Variants in ITGA2 observed in about 807,000 individuals in gnomAD.
ITGA2 encodes the protein integrin alpha-2.
A neutral mutation model predicts 146.3 loss-of-function variants in ITGA2; 101 were observed. The observed-to-expected ratio is 0.69, with a 90% CI of 0.59 to 0.81. The LOEUF (loss-of-function observed/expected upper bound fraction) is 0.81, where lower values mean the gene tolerates loss of function less well. Among genes scored for constraint, ITGA2 ranks in the 40% least tolerant of loss-of-function variants. The pLI, the probability that ITGA2 is intolerant of heterozygous loss-of-function variation, is 0.00. For missense variants in ITGA2, 1,281 were observed against 1,402.7 expected (o/e 0.91, Z 1.39); for synonymous variants, 477 against 487.1 (o/e 0.98, Z 0.27).
intron 3 of ITGA2, 140 bp downstream of exon 3, chr5:53,042,361 A>C (rs1258866389): frequency 1.5e-6 from 1 of 664,898 alleles, no homozygotes; most frequent in Non-Finnish European, 2.8e-6. Context: ...ATGGGGCACA[A>C]TCATATCCAA....
At chr5:53,072,469 A>C in intron 18 of ITGA2, 144 bp from the exon 19 acceptor site, 1 of 673,394 alleles carries the variant, frequency 1.5e-6, no homozygotes, top group Non-Finnish European at 2.6e-6. Context: ...GCTTTTCTTT[A>C]TTATTTTGTT....
rs368418116 is a variant in ITGA2, at chr5:53,026,856, C to G, written c.173C>G (p.Pro58Arg). 6.2e-7 allele frequency: 1 copy of G among 1,612,436 alleles called. No individual in the cohort carries two copies. The highest frequency in any genetic ancestry group is 8.5e-7 in the Non-Finnish European group (1 of 1,178,586). ...TATGCAGTGCAGCAGTTTATAAATC[C>G]AAAAGGCAACTGGTAAGAATATTCT... ...FGYAVQQFINPKGNWLLVGSP... is the reference protein window; with the variant it reads ...FGYAVQQFINRKGNWLLVGSP... Residue 58 changes from proline to arginine, a missense_variant, in exon 2 of 30, where the codon CCA (proline) becomes CGA (arginine). Physicochemically the swap from Pro to Arg is moderately radical, Grantham distance 103 (BLOSUM62 -2). Around this residue, in one of 3 missense-constraint regions of ITGA2, gnomAD observed 795 missense variants for 841.7 expected, o/e 0.94. Coordinates refer to ENST00000296585, the MANE Select transcript of ITGA2 (RefSeq NM_002203.4).
chr5:53,083,448 G>A lies in ITGA2; in HGVS notation c.3253G>A (p.Ala1085Thr), dbSNP rs779251918. 1.2e-5 allele frequency: 19 copies of A among 1,522,248 alleles called. No individual in the cohort carries two copies. Among genetic ancestry groups the A allele is most frequent in the African/African-American group, 2.7e-5 (2 of 73,150 alleles). The allele number at this position is 1,522,248 out of a possible 1,614,324, so 94.3% of individuals were successfully genotyped here. Residue 1085 changes from alanine to threonine, a missense_variant, in exon 27 of 30, where the codon GCA becomes ACA. Ala to Thr is a moderately conservative substitution (Grantham distance 58). This residue lies in a region of ITGA2 where 475 missense variants were observed against 530.5 expected (regional missense o/e 0.90). Coordinates refer to ENST00000296585, the MANE Select transcript of ITGA2 (RefSeq NM_002203.4). Reference protein sequence around the residue: ...VTTRIWNGTFASSTFQTVQLT... With the variant: ...VTTRIWNGTFTSSTFQTVQLT... ...TACCAGAATTTGGAACGGGACTTTC[G>A]CATCAGTAAGTATCAGTTTTATTTG...
chr5:53,090,124 C>G, intron 29 of ITGA2, 62 bp downstream of exon 29: 1 of 966,186 alleles, frequency 1.0e-6, no homozygotes, highest in South Asian at 1.3e-5. Flanking sequence ...AATTTGCTTA[C>G]AAAACATCAA....
chr5:53,075,265 A>G lies in ITGA2; in HGVS notation c.2786A>G (p.Lys929Arg). The G allele has an allele frequency of 6.2e-7, 1 of 1,612,836 alleles. No individual in the cohort carries two copies. Among genetic ancestry groups the G allele is most frequent in the East Asian group, 2.2e-5 (1 of 44,772 alleles). Residue 929 changes from lysine (K) to arginine (R), a missense_variant, in exon 23 of 30, where the codon AAA becomes AGA. Physicochemically the swap from Lys to Arg is conservative, Grantham distance 26 (BLOSUM62 2). Coordinates refer to ENST00000296585, the MANE Select transcript of ITGA2 (RefSeq NM_002203.4). ...ENKADNLVNL[K>R]IPLLYDAEIH... ...AAGGCTGATAATTTGGTCAACCTCA[A>G]AATTCCTCTCCTGTATGATGCTGAA...
chr5:53,015,731 G>A (rs1171110324), intron 1 of ITGA2, among the ~76,000 whole-genome samples: 1 of 152,100 alleles, frequency 6.6e-6, no homozygotes, highest in East Asian at 1.9e-4. Flanking sequence ...CTAAGTCTTT[G>A]TAGGTCTCTA....
At chr5:53,017,693 T>C (rs1327672941) in intron 1 of ITGA2, among the ~76,000 whole-genome samples, 1 of 151,992 alleles carries the variant, frequency 6.6e-6, no homozygotes, top group Non-Finnish European at 1.5e-5. Flanking sequence ...AGGGCACCAG[T>C]GGGGATGAGG....
At chr5:53,073,360 T>C in intron 20 of ITGA2, 101 bp downstream of exon 20, 2 of 1,242,444 alleles carry the variant, frequency 1.6e-6, no homozygotes, top group Non-Finnish European at 2.4e-6. Context: ...ACCTTAACCC[T>C]CAACATGATC....
chr5:53,019,115 T>C (rs1426189572), intron 1 of ITGA2, among the ~76,000 whole-genome samples: 1 of 151,866 alleles, frequency 6.6e-6, no homozygotes, highest in African/African-American at 2.4e-5. Flanking sequence ...AAATAAAACA[T>C]TTTGTTTTTT....
intron 1 of ITGA2, among the ~76,000 whole-genome samples, chr5:52,995,544 A>G (rs1159145474): frequency 1.3e-5 from 2 of 152,204 alleles, no homozygotes; most frequent in African/African-American, 2.4e-5. Context: ...GGTTTCTGAC[A>G]TGGACAAGTC....
At chr5:53,084,657 C>T (rs1367721021) in intron 27 of ITGA2, among the ~76,000 whole-genome samples, 10 of 150,732 alleles carry the variant, frequency 6.6e-5, no homozygotes, top group Admixed American at 4.0e-4. Context: ...TCCTTTAAGA[C>T]GTGAAGCGTG....
At chr5:53,066,010 A>T (rs764040594) in intron 15 of ITGA2, 33 bp downstream of exon 15, 2 of 1,602,282 alleles carry the variant, frequency 1.2e-6, no homozygotes, top group South Asian at 1.1e-5. Flanking sequence ...CAAACTAACT[A>T]AAAATTACCT....
At position 53,000,139 on chromosome 5, in the gene ITGA2, GATT is replaced by G. The variant is rs146353250; in HGVS notation, c.64+10609_64+10611del. Among the ~76,000 whole-genome samples, 797 of 152,232 alleles carry G rather than the reference GATT, an allele frequency of 5.2e-3. 8 individuals are homozygous for G. Among genetic ancestry groups the G allele is most frequent in the African/African-American group, 0.018 (755 of 41,552 alleles). On this transcript the variant is annotated intron_variant, in intron 1 of 29. Transcript: ENST00000296585. ...GAATTTTTTAACATTGCAATTGTGAGATTAATCTATATGTTGCACATAGATATA... is the reference window on the plus strand; with the variant it reads ...GAATTTTTTAACATTGCAATTGTGAGAATCTATATGTTGCACATAGATATA...
chr5:53,087,907 G>C (rs1039868299), intron 28 of ITGA2, among the ~76,000 whole-genome samples: 2 of 152,206 alleles, frequency 1.3e-5, no homozygotes, highest in African/African-American at 2.4e-5. Flanking sequence ...TGGTCAAAAA[G>C]TTATGGCCCC....
intron 2 of ITGA2, among the ~76,000 whole-genome samples, chr5:53,035,941 A>G (rs1006340786): frequency 1.6e-4 from 25 of 152,118 alleles, no homozygotes; most frequent in African/African-American, 5.8e-4. Flanking sequence ...AGCTCCCCCT[A>G]TCGCAAAATC....
intron 1 of ITGA2, among the ~76,000 whole-genome samples, chr5:52,990,812 G>A (rs529790483): frequency 6.6e-5 from 10 of 152,084 alleles, no homozygotes; most frequent in East Asian, 1.9e-4. Context: ...TACTTTCTCC[G>A]GGAACCAGAT....
chr5:53,031,175 A>T (rs1317541733), intron 2 of ITGA2, among the ~76,000 whole-genome samples: 1 of 152,246 alleles, frequency 6.6e-6, no homozygotes. Flanking sequence ...TGTGGGAAGG[A>T]CTGTTTAAAC....
chr5:53,073,719 C>A (rs1745511172), intron 20 of ITGA2, among the ~76,000 whole-genome samples: 1 of 151,668 alleles, frequency 6.6e-6, no homozygotes, highest in Non-Finnish European at 1.5e-5. Context: ...CTCCCTGGTC[C>A]CTCCTCTACC....
rs751293419 is a variant in ITGA2 at position 53,072,604 on chromosome 5, T to C, written c.2347-9T>C. 1.9e-6 allele frequency: 3 copies of C among 1,607,426 alleles called. No individual in the cohort carries two copies. In the Admixed American group the frequency reaches 5.0e-5, roughly 27 times the overall value. On this transcript the variant is annotated splice_polypyrimidine_tract_variant and intron_variant, in intron 18 of 29. Transcript: ENST00000296585. ...AGCAAATGTATGGATCTTTTTTCCT[T>C]TTTCGTAGATTCCTTTCCACAAAGA... is the stretch of plus-strand genomic sequence containing the variant.
Sources: allele counts gnomAD v4.1 joint callset (sites outside exome capture counted in the v4.1 genomes callset), GRCh38; gene constraint gnomAD v4.1.1; regional missense constraint gnomAD v4.1.1; transcripts MANE v1.5; gene names NCBI Gene and HGNC (gene_info 2026-07-23, HGNC 2026-07-21).